SPIRE1: variants seen among roughly 807,000 people sequenced by gnomAD.
The protein encoded by SPIRE1 is spire type actin nucleation factor 1.
In SPIRE1, 40 loss-of-function variants were observed where a neutral mutation model predicts 94.1. The ratio of observed to expected loss-of-function variants is 0.43; its 90% CI spans 0.33 to 0.55. The LOEUF is 0.55. SPIRE1 is among the 20% of genes least tolerant of loss of function. SPIRE1 has a pLI of 0.06. For missense variants in SPIRE1, 838 were observed against 975.2 expected (o/e 0.86, Z 1.87); for synonymous variants, 376 against 371.7 (o/e 1.01, Z -0.13).
intron 4 of SPIRE1, among the ~76,000 whole-genome samples, chr18:12,520,924 T>A (rs982917199): frequency 5.9e-5 from 9 of 152,200 alleles, no homozygotes; most frequent in Non-Finnish European, 1.2e-4. Context: ...TGAAGTCATG[T>A]CACAAACAGG....
intron 3 of SPIRE1, among the ~76,000 whole-genome samples, chr18:12,545,494 G>T (rs2035135686): frequency 6.6e-6 from 1 of 152,122 alleles, no homozygotes; most frequent in Non-Finnish European, 1.5e-5. Context: ...TGGAAAATAA[G>T]AGATACACCA....
At chr18:12,500,217 G>C (rs2033607779) in intron 6 of SPIRE1, among the ~76,000 whole-genome samples, 1 of 152,192 alleles carries the variant, frequency 6.6e-6, no homozygotes, top group South Asian at 2.1e-4. Flanking sequence ...TAGAAACCCA[G>C]TCTCTACCAG....
chr18:12,658,126 GC>G, upstream of SPIRE1: 2 of 959,576 alleles, frequency 2.1e-6, no homozygotes, highest in Non-Finnish European at 1.2e-6. Flanking sequence ...GCCCCGCCCC[GC>G]CCCGCCTCGC....
chr18:12,557,387 C>T (rs956470943), intron 2 of SPIRE1, among the ~76,000 whole-genome samples: 4 of 152,220 alleles, frequency 2.6e-5, no homozygotes, highest in Admixed American at 6.5e-5. Flanking sequence ...AGCTGCTGGC[C>T]CAGGTGCTAA....
At chr18:12,584,689 G>T (rs527288988) in intron 2 of SPIRE1, among the ~76,000 whole-genome samples, 6 of 152,222 alleles carry the variant, frequency 3.9e-5, no homozygotes, top group Admixed American at 6.5e-5. Flanking sequence ...TAGCTACTTG[G>T]TGGCTGAGAT....
chr18:12,647,446 T>C (rs1391341196), intron 1 of SPIRE1, among the ~76,000 whole-genome samples: 1 of 152,132 alleles, frequency 6.6e-6, no homozygotes, highest in Admixed American at 6.6e-5. Flanking sequence ...CTCTTTAACA[T>C]TTCTTCTTCT....
At chr18:12,569,212 A>G (rs1189495896) in intron 2 of SPIRE1, among the ~76,000 whole-genome samples, 5 of 152,104 alleles carry the variant, frequency 3.3e-5, no homozygotes, top group East Asian at 1.9e-4. Context: ...GCATGGTGGC[A>G]GGCACCTGTA....
intron 1 of SPIRE1, among the ~76,000 whole-genome samples, chr18:12,641,192 C>G (rs2038073578): frequency 6.6e-6 from 1 of 151,994 alleles, no homozygotes; most frequent in Admixed American, 6.6e-5. Context: ...CAAAACTGAT[C>G]AACAACAACC....
At chr18:12,514,876 ACAG>A (rs2034149500) in intron 4 of SPIRE1, among the ~76,000 whole-genome samples, 1 of 152,212 alleles carries the variant, frequency 6.6e-6, no homozygotes, top group South Asian at 2.1e-4. Context: ...CTAATACCAT[ACAG>A]AAGAAAAGAG....
intron 1 of SPIRE1, among the ~76,000 whole-genome samples, chr18:12,637,874 AT>A (rs2037978093): frequency 6.6e-6 from 1 of 152,318 alleles, no homozygotes; most frequent in Non-Finnish European, 1.5e-5. Flanking sequence ...ATAAAATAAG[AT>A]TTTTTTCAAT....
At chr18:12,642,007 T>C (rs8086846) in intron 1 of SPIRE1, among the ~76,000 whole-genome samples, 37,860 of 151,558 alleles carry the variant, frequency 0.25, 5,197 homozygotes, top group Non-Finnish European at 0.32. Context: ...AATTTTTGTA[T>C]TTTCAGTAGA....
At chr18:12,650,349 A>G (rs924209616) in intron 1 of SPIRE1, among the ~76,000 whole-genome samples, 6 of 152,168 alleles carry the variant, frequency 3.9e-5, no homozygotes, top group Non-Finnish European at 8.8e-5. Flanking sequence ...ACTTGAGCCC[A>G]GAAGTTCCAA....
chr18:12,567,519 A>C (rs2035848507), intron 2 of SPIRE1, among the ~76,000 whole-genome samples: 1 of 152,364 alleles, frequency 6.6e-6, no homozygotes, highest in Non-Finnish European at 1.5e-5. Flanking sequence ...ATTACTCTTA[A>C]CTGGTGGATC....
intron 10 of SPIRE1, among the ~76,000 whole-genome samples, chr18:12,468,632 A>T (rs1330041714): frequency 6.6e-6 from 1 of 152,240 alleles, no homozygotes; most frequent in Non-Finnish European, 1.5e-5. Context: ...CAAATGAGCC[A>T]GTTCCACTCT....
chr18:12,636,341 A>T (rs1287009943), intron 1 of SPIRE1: 1 of 152,192 alleles, frequency 6.6e-6, no homozygotes, highest in East Asian at 1.9e-4. Context: ...CCTAGCCCAC[A>T]GTGGTTATTC....
intron 2 of SPIRE1, among the ~76,000 whole-genome samples, chr18:12,552,247 T>C (rs2035372564): frequency 6.6e-6 from 1 of 152,204 alleles, no homozygotes; most frequent in Non-Finnish European, 1.5e-5. Flanking sequence ...CAAGTCCTGG[T>C]GCTGAGCTGG....
chr18:12,446,723 C>G lies in SPIRE1; in HGVS notation c.*2915G>C, dbSNP rs2030949973. 1.3e-5 allele frequency: 1 copy of G among 76,976 alleles called. No individual in the cohort carries two copies. Among genetic ancestry groups the G allele is most frequent in the Non-Finnish European group, 2.5e-5 (1 of 39,886 alleles). The allele number at this position is 76,976 out of a possible 1,614,324, so 4.8% of individuals were successfully genotyped here. ...AAAATTTTCTGCTATTTTGCTTTAGCAAACAGCAATAAACTTTTGTGTTTC... is the reference window on the plus strand; with the variant it reads ...AAAATTTTCTGCTATTTTGCTTTAGGAAACAGCAATAAACTTTTGTGTTTC... On this transcript the variant is annotated 3_prime_UTR_variant, in exon 17 of 17. Transcript: ENST00000409402.
intron 2 of SPIRE1, among the ~76,000 whole-genome samples, chr18:12,612,223 C>T (rs139727377): frequency 2.0e-5 from 3 of 152,316 alleles, no homozygotes; most frequent in African/African-American, 4.8e-5. Context: ...CGGTTGATCA[C>T]TTCTTCCTCC....
chr18:12,465,144 C>G (rs955524817), intron 10 of SPIRE1, among the ~76,000 whole-genome samples, 186 bp from the exon 11 acceptor site: 1 of 152,082 alleles, frequency 6.6e-6, no homozygotes, highest in South Asian at 2.1e-4. Context: ...TGCCTTGGCT[C>G]TGCCCTGATG....
Sources: gnomAD v4.1 joint callset for allele counts (sites outside exome capture counted in the v4.1 genomes callset) on GRCh38, gnomAD v4.1.1 for gene constraint, MANE v1.5 for transcripts, NCBI Gene and HGNC (gene_info 2026-07-23, HGNC 2026-07-21) for gene names.